Variants in LINGO2 observed in about 807,000 individuals in gnomAD.
LINGO2 encodes the protein leucine-rich repeat and immunoglobulin-like domain-containing nogo receptor-interacting protein 2.
Under a neutral mutation model 30.6 loss-of-function variants are expected in LINGO2, and 14 were observed. The ratio of observed to expected loss-of-function variants is 0.46; its 90% CI spans 0.30 to 0.72. The LOEUF (loss-of-function observed/expected upper bound fraction) is 0.72, where lower values mean the gene tolerates loss of function less well. Ranked by LOEUF, LINGO2 falls within the 30% of genes least tolerant of loss-of-function variation. LINGO2 has a pLI of 0.07. For synonymous variants in LINGO2, 317 were observed against 288.5 expected (o/e 1.10, Z -1.00); for missense variants, 729 against 751.7 (o/e 0.97, Z 0.35).
At chr9:28,906,731 A>C in the LINGO2 span, among the ~76,000 whole-genome samples, 1 of 151,968 alleles carries the variant, frequency 6.6e-6, no homozygotes, top group Non-Finnish European at 1.5e-5. Flanking sequence ...CCCCTAACAA[A>C]GTGACCATCT....
chr9:28,127,186 C>T (rs1165529793), intron 4 of LINGO2, among the ~76,000 whole-genome samples: 1 of 152,150 alleles, frequency 6.6e-6, no homozygotes, highest in Non-Finnish European at 1.5e-5. Context: ...AAACGTAAGT[C>T]CTTTCACTTG....
the LINGO2 span, among the ~76,000 whole-genome samples, chr9:28,882,428 G>A: frequency 7.2e-5 from 11 of 152,088 alleles, no homozygotes; most frequent in African/African-American, 2.7e-4. Context: ...CAATGATTTG[G>A]TACAGCTACT....
At chr9:29,130,735 A>G in the LINGO2 span, among the ~76,000 whole-genome samples, 1 of 150,978 alleles carries the variant, frequency 6.6e-6, no homozygotes, top group Non-Finnish European at 1.5e-5. Context: ...AGCAACCCCA[A>G]ATCAGGCCAG....
intron 3 of LINGO2, among the ~76,000 whole-genome samples, chr9:28,328,476 C>G (rs1334942593): frequency 6.6e-6 from 1 of 151,632 alleles, no homozygotes; most frequent in African/African-American, 2.4e-5. Flanking sequence ...TTGTTCTTAT[C>G]TCTAAGGGGC....
the LINGO2 span, among the ~76,000 whole-genome samples, chr9:28,823,209 G>T: frequency 2.0e-5 from 3 of 152,166 alleles, no homozygotes; most frequent in East Asian, 3.9e-4. Flanking sequence ...GGACCTTCCT[G>T]GAGTGTGTCA....
At chr9:29,146,709 C>T in the LINGO2 span, among the ~76,000 whole-genome samples, 1 of 152,142 alleles carries the variant, frequency 6.6e-6, no homozygotes, top group East Asian at 1.9e-4. Flanking sequence ...CTCATTAATA[C>T]ATCCTTCAAT....
At chr9:29,068,926 T>C in the LINGO2 span, among the ~76,000 whole-genome samples, 1 of 151,908 alleles carries the variant, frequency 6.6e-6, no homozygotes, top group Non-Finnish European at 1.5e-5. Flanking sequence ...TATGTACTTG[T>C]TAAGTCATAA....
the LINGO2 span, among the ~76,000 whole-genome samples, chr9:29,083,660 G>T: frequency 2.0e-5 from 3 of 151,688 alleles, no homozygotes; most frequent in Admixed American, 2.0e-4. Flanking sequence ...AAAAATAGCT[G>T]GGATGGAAAT....
intron 4 of LINGO2, among the ~76,000 whole-genome samples, chr9:28,040,191 G>A (rs1190776895): frequency 2.0e-5 from 3 of 152,086 alleles, no homozygotes; most frequent in Non-Finnish European, 4.4e-5. Context: ...AAAACAGATT[G>A]ATTCATTAGA....
chr9:28,566,887 T>C (rs1823412650), intron 1 of LINGO2, among the ~76,000 whole-genome samples: 1 of 152,180 alleles, frequency 6.6e-6, no homozygotes, highest in African/African-American at 2.4e-5. Context: ...TGCCAACACT[T>C]AAAACAAAAA....
chr9:29,017,199 G>T, the LINGO2 span, among the ~76,000 whole-genome samples: 1 of 151,754 alleles, frequency 6.6e-6, no homozygotes, highest in Non-Finnish European at 1.5e-5. Context: ...ACTCTGAGTT[G>T]CCTTATATAT....
rs56932034 is a variant in LINGO2, at chr9:28,561,743, GTGTGTGTATATATA to G, written c.-364-85732_-364-85719del. Among the ~76,000 whole-genome samples the G allele has an allele frequency of 1.5e-3, 66 of 44,456 alleles. 3 individuals carry two copies. The highest frequency in any genetic ancestry group is 0.027 in the Middle Eastern group (2 of 74). The allele number at this position is 44,456 out of a possible 152,430, so 29.2% of individuals were successfully genotyped here. ...ATGTATTATATATAATTTTGTGTGT[GTGTGTGTATATATA>G]TATATATATATATATATATATATAA... On this transcript the variant is annotated intron_variant, in intron 1 of 5. Transcript: ENST00000379992.
intron 2 of LINGO2, among the ~76,000 whole-genome samples, chr9:28,451,163 T>C (rs553367317): frequency 6.6e-6 from 1 of 152,022 alleles, no homozygotes; most frequent in Non-Finnish European, 1.5e-5. Flanking sequence ...TCTTCAATAT[T>C]TCCCTGTGTT....
chr9:28,844,277 G>A, the LINGO2 span, among the ~76,000 whole-genome samples: 10 of 151,752 alleles, frequency 6.6e-5, no homozygotes, highest in African/African-American at 2.4e-4. Flanking sequence ...CAGGAGAATC[G>A]CTTGAACCTG....
chr9:28,675,539 T>C, the LINGO2 span, among the ~76,000 whole-genome samples: 2 of 152,024 alleles, frequency 1.3e-5, no homozygotes, highest in Non-Finnish European at 2.9e-5. Context: ...CAAACAAAAG[T>C]TTATAAAATT....
chr9:28,234,621 C>G (rs1821492559), intron 4 of LINGO2, among the ~76,000 whole-genome samples: 2 of 152,208 alleles, frequency 1.3e-5, no homozygotes, highest in African/African-American at 4.8e-5. Flanking sequence ...CTTCATCTTT[C>G]TCCTCTGCTG....
At chr9:28,309,588 T>A (rs1025849183) in intron 3 of LINGO2, among the ~76,000 whole-genome samples, 13 of 148,288 alleles carry the variant, frequency 8.8e-5, no homozygotes, top group African/African-American at 3.2e-4. Context: ...ATAATAATAA[T>A]AAAAAAAAAC....
At chr9:29,160,623 C>A in the LINGO2 span, among the ~76,000 whole-genome samples, 1 of 152,136 alleles carries the variant, frequency 6.6e-6, no homozygotes, top group Non-Finnish European at 1.5e-5. Flanking sequence ...GTTACGATTG[C>A]AGAAGAAGTT....
chr9:28,863,853 G>C, the LINGO2 span: 1 of 232,274 alleles, frequency 4.3e-6, no homozygotes, highest in African/African-American at 2.3e-5. Context: ...AAACACACAA[G>C]AAACACTGAA....
Sources: gnomAD v4.1 joint callset for allele counts (sites outside exome capture counted in the v4.1 genomes callset) on GRCh38, gnomAD v4.1.1 for gene constraint, MANE v1.5 for transcripts, NCBI Gene and HGNC (gene_info 2026-07-23, HGNC 2026-07-21) for gene names.